ARFGEF1: variants seen among roughly 807,000 people sequenced by gnomAD.
ARFGEF1 encodes the protein brefeldin A-inhibited guanine nucleotide-exchange protein 1.
In ARFGEF1, 42 loss-of-function variants were observed where a neutral mutation model predicts 231.0. The observed-to-expected ratio is 0.18, with a 90% CI of 0.14 to 0.24. The LOEUF is 0.24. Ranked by LOEUF, ARFGEF1 falls within the 10% of genes least tolerant of loss-of-function variation. The pLI is 1.00. For synonymous variants in ARFGEF1, 710 were observed against 732.3 expected (o/e 0.97, Z 0.49); for missense variants, 1,345 against 2,192.0 (o/e 0.61, Z 7.72).
intron 6 of ARFGEF1, among the ~76,000 whole-genome samples, chr8:67,290,181 T>C (rs1056478584): frequency 2.0e-5 from 3 of 152,174 alleles, no homozygotes; most frequent in Admixed American, 6.6e-5. Context: ...ATCATCACAA[T>C]CCCACAGGAA....
chr8:67,282,524 AT>A (rs1383793487), intron 7 of ARFGEF1, among the ~76,000 whole-genome samples: 5 of 151,990 alleles, frequency 3.3e-5, no homozygotes. Flanking sequence ...AATCTTAAAA[AT>A]TTTTTTTGTG....
rs1055124881 is a variant in ARFGEF1, at chr8:67,313,107, G to C, written c.125-10641C>G. Among the ~76,000 whole-genome samples, 6 of 152,240 alleles carry C rather than the reference G, an allele frequency of 3.9e-5. No individual in the cohort carries two copies. In the East Asian group the frequency reaches 9.6e-4, roughly 24 times the overall value. Reference sequence around the variant, plus strand: ...AAAGGTCCAAGCACAACAATTAGAAGACATTTAGCTGGGTGCGATAGTGTG... The same window carrying C: ...AAAGGTCCAAGCACAACAATTAGAACACATTTAGCTGGGTGCGATAGTGTG... On this transcript the variant is annotated intron_variant, in intron 1 of 38. Coordinates refer to ENST00000262215, the MANE Select transcript of ARFGEF1 (RefSeq NM_006421.5).
At chr8:67,311,075 C>T (rs1182256201) in intron 1 of ARFGEF1, among the ~76,000 whole-genome samples, 6 of 145,222 alleles carry the variant, frequency 4.1e-5, no homozygotes, top group Non-Finnish European at 9.1e-5. Flanking sequence ...TGAGGAGCCC[C>T]TCTGCCCGGC....
chr8:67,182,641 C>A (rs933901897), intron 5 of ARFGEF1, among the ~76,000 whole-genome samples: 6 of 152,212 alleles, frequency 3.9e-5, no homozygotes, highest in Non-Finnish European at 5.9e-5. Flanking sequence ...ACATCCTTAA[C>A]ACTTGTTACT....
At chr8:67,224,277 A>G (rs999735745) in intron 29 of ARFGEF1, among the ~76,000 whole-genome samples, 1 of 152,188 alleles carries the variant, frequency 6.6e-6, no homozygotes, top group Non-Finnish European at 1.5e-5. Context: ...GGCCATTTCA[A>G]TGTGGCAAAG....
chr8:67,222,729 G>C (rs1421947491), intron 29 of ARFGEF1, among the ~76,000 whole-genome samples: 1 of 152,072 alleles, frequency 6.6e-6, no homozygotes, highest in Non-Finnish European at 1.5e-5. Flanking sequence ...GGGATTATAG[G>C]TATGGCCACC....
intron 5 of ARFGEF1, chr8:67,175,642 C>A: frequency 1.5e-6 from 1 of 683,412 alleles, no homozygotes; most frequent in Non-Finnish European, 2.7e-6. Flanking sequence ...TGTATTCATG[C>A]ATGAGAGGGG....
chr8:67,302,275 T>C (rs1806527773), intron 2 of ARFGEF1, among the ~76,000 whole-genome samples, 161 bp downstream of exon 2: 1 of 152,052 alleles, frequency 6.6e-6, no homozygotes, highest in Admixed American at 6.5e-5. Flanking sequence ...TTTATTGTTT[T>C]TATATAATTG....
At chr8:67,211,639 TG>T in intron 33 of ARFGEF1, 24 bp from the exon 34 acceptor site, 1 of 1,350,142 alleles carries the variant, frequency 7.4e-7, no homozygotes, top group Non-Finnish European at 9.9e-7. Flanking sequence ...AAAAAATCAC[TG>T]TAAGTATGGT....
Position 67,257,826 on chromosome 8 carries a change from T to C in ARFGEF1, c.2442-10A>G. 6.3e-7 allele frequency: 1 copy of C among 1,593,564 alleles called. No individual in the cohort carries two copies. On this transcript the variant is annotated splice_polypyrimidine_tract_variant and intron_variant, in intron 16 of 38. Transcript: ENST00000262215. ...AGCAAAGAGAGTTTGTCTGGAAAAA[T>C]AAATGTATCATGTTATAAACTTCTA... is the stretch of plus-strand genomic sequence containing the variant.
intron 10 of ARFGEF1, among the ~76,000 whole-genome samples, chr8:67,270,123 T>C (rs926658257): frequency 6.6e-6 from 1 of 152,208 alleles, no homozygotes; most frequent in Non-Finnish European, 1.5e-5. Flanking sequence ...CTGTCTTTTA[T>C]TTATAGTTCC....
At chr8:67,244,589 G>A (rs571702897) in intron 19 of ARFGEF1, among the ~76,000 whole-genome samples, 2 of 149,186 alleles carry the variant, frequency 1.3e-5, no homozygotes, top group African/African-American at 2.5e-5. Flanking sequence ...CATAAACCAC[G>A]GTTCCCAGCC....
chr8:67,288,424 C>T (rs1805851927), intron 6 of ARFGEF1, among the ~76,000 whole-genome samples: 1 of 152,130 alleles, frequency 6.6e-6, no homozygotes, highest in African/African-American at 2.4e-5. Context: ...TTACACTATC[C>T]CTTATCAAAT....
At chr8:67,264,842 G>A (rs192918977) in intron 14 of ARFGEF1, among the ~76,000 whole-genome samples, 3 of 152,192 alleles carry the variant, frequency 2.0e-5, no homozygotes, top group East Asian at 3.9e-4. Flanking sequence ...TACTCTGTAC[G>A]ACACTCTTTT....
chr8:67,326,333 T>C (rs1807831040), intron 1 of ARFGEF1, among the ~76,000 whole-genome samples: 1 of 152,236 alleles, frequency 6.6e-6, no homozygotes, highest in Non-Finnish European at 1.5e-5. Context: ...GGTATCCATC[T>C]CTAGAAAGGA....
chr8:67,224,075 C>G (rs1380740090), intron 29 of ARFGEF1, among the ~76,000 whole-genome samples: 1 of 152,044 alleles, frequency 6.6e-6, no homozygotes, highest in Non-Finnish European at 1.5e-5. Context: ...GGGGGTGGTT[C>G]TGGCATAAGG....
At position 67,343,227 on chromosome 8, in the gene ARFGEF1, C is replaced by T. The variant is rs1350102787; in HGVS notation, c.61G>A (p.Ala21Thr). Residue 21 changes from alanine to threonine, a missense_variant, in exon 1 of 39, where the codon GCC becomes ACC. Ala to Thr is a moderately conservative substitution (Grantham distance 58). Transcript: ENST00000262215. ...FLTRALEKIL[A>T]DKEVKKAHHS... ...TGCGCCTTCTTCACTTCCTTGTCGG[C>T]CAATATCTTCTCCAGAGCCCGGGTC... The T allele has an allele frequency of 1.9e-6, 3 of 1,613,680 alleles. No homozygotes were observed. In the African/African-American group the frequency reaches 4.0e-5, roughly 22 times the overall value.
At chr8:67,207,385 G>A (rs1838560094) in intron 34 of ARFGEF1, among the ~76,000 whole-genome samples, 1 of 152,190 alleles carries the variant, frequency 6.6e-6, no homozygotes, top group Non-Finnish European at 1.5e-5. Flanking sequence ...TTTGGCAGAT[G>A]AGGCTGTACT....
At chr8:67,203,541 T>A (rs1318074997) in intron 35 of ARFGEF1, among the ~76,000 whole-genome samples, 1 of 152,196 alleles carries the variant, frequency 6.6e-6, no homozygotes, top group Non-Finnish European at 1.5e-5. Context: ...ATGCATCATT[T>A]TAATTATTCT....
Sources: allele counts gnomAD v4.1 joint callset (sites outside exome capture counted in the v4.1 genomes callset), GRCh38; gene constraint gnomAD v4.1.1; transcripts MANE v1.5; gene names NCBI Gene and HGNC (gene_info 2026-07-23, HGNC 2026-07-21).